The following XKR9 variants were observed in gnomAD, a reference collection of about 807,000 sequenced individuals.
XKR9 encodes the protein XK-related protein 9.
A neutral mutation model predicts 32.0 loss-of-function variants in XKR9; 32 were observed. The ratio of observed to expected loss-of-function variants is 1.00; its 90% CI spans 0.76 to 1.34. The LOEUF is 1.34. XKR9 is among the 40% of genes most tolerant of loss of function. The pLI is 0.00. For synonymous variants in XKR9, 168 were observed against 143.4 expected, an observed-to-expected ratio of 1.17 and a Z score of -1.22; for missense variants, 546 against 429.7, an observed-to-expected ratio of 1.27 and a Z score of -2.39.
the XKR9 span, among the ~76,000 whole-genome samples, chr8:70,867,131 G>A: frequency 6.6e-6 from 1 of 152,178 alleles, no homozygotes; most frequent in African/African-American, 2.4e-5. Flanking sequence ...CATGGCAGCA[G>A]GCAAGGAGGA....
the XKR9 span, among the ~76,000 whole-genome samples, chr8:71,027,774 T>C: frequency 8.9e-3 from 783 of 87,936 alleles, 9 homozygotes; most frequent in African/African-American, 0.03. Context: ...CTTTCTTTTT[T>C]TTGGCGGGGG....
chr8:70,894,159 G>A, the XKR9 span, among the ~76,000 whole-genome samples: 5 of 152,062 alleles, frequency 3.3e-5, no homozygotes, highest in East Asian at 9.7e-4. Flanking sequence ...GTGGCAACTT[G>A]GGTACCAGGG....
At chr8:71,024,965 A>G in the XKR9 span, among the ~76,000 whole-genome samples, 1 of 152,198 alleles carries the variant, frequency 6.6e-6, no homozygotes, top group African/African-American at 2.4e-5. Flanking sequence ...AGCCCCTATA[A>G]TAATAGCTAG....
chr8:70,934,290 C>T, the XKR9 span, among the ~76,000 whole-genome samples: 1 of 151,932 alleles, frequency 6.6e-6, no homozygotes, highest in Non-Finnish European at 1.5e-5. Context: ...CCAATACTAA[C>T]ATCTCTCTAT....
the XKR9 span, among the ~76,000 whole-genome samples, chr8:71,047,507 G>C: frequency 6.6e-6 from 1 of 152,204 alleles, no homozygotes; most frequent in South Asian, 2.1e-4. Context: ...AAGTGATCAT[G>C]TGTAGTAAAT....
chr8:70,746,208 A>T (rs1563465927), intron 2 of XKR9, among the ~76,000 whole-genome samples: 2 of 150,286 alleles, frequency 1.3e-5, no homozygotes, highest in Non-Finnish European at 3.0e-5. Context: ...TATAGTATAT[A>T]ATTATATTCC....
chr8:70,739,661 TG>T (rs1382412184), downstream of XKR9, among the ~76,000 whole-genome samples: 1 of 152,144 alleles, frequency 6.6e-6, no homozygotes, highest in Admixed American at 6.5e-5. Context: ...AGGGCAAGCT[TG>T]GTGGTGACAA....
chr8:71,059,631 C>T, the XKR9 span, among the ~76,000 whole-genome samples: 1 of 152,178 alleles, frequency 6.6e-6, no homozygotes, highest in African/African-American at 2.4e-5. Flanking sequence ...ACTGATTAAA[C>T]TTGCTCACAT....
the XKR9 span, among the ~76,000 whole-genome samples, chr8:70,886,635 G>A: frequency 6.7e-6 from 1 of 150,058 alleles, no homozygotes; most frequent in Non-Finnish European, 1.5e-5. Context: ...TTTCTCTAAT[G>A]ACCAGTGATG....
the XKR9 span, among the ~76,000 whole-genome samples, chr8:71,007,683 A>G: frequency 0.43 from 65,634 of 151,922 alleles, 15,267 homozygotes; most frequent in Non-Finnish European, 0.53. Flanking sequence ...AAAATAGCTA[A>G]AGAGGAAATT....
At chr8:70,771,554 G>T (rs551563772) in intron 2 of XKR9, among the ~76,000 whole-genome samples, 1 of 152,324 alleles carries the variant, frequency 6.6e-6, no homozygotes, top group African/African-American at 2.4e-5. Context: ...GAATGTAAAA[G>T]GGACAGGCCT....
intron 4 of XKR9, among the ~76,000 whole-genome samples, chr8:70,716,139 A>G (rs529828013): frequency 6.6e-6 from 1 of 152,240 alleles, no homozygotes; most frequent in Admixed American, 6.5e-5. Flanking sequence ...TAGTAGATGT[A>G]TATAGAGGAG....
chr8:70,882,855 T>C, the XKR9 span, among the ~76,000 whole-genome samples: 1 of 151,640 alleles, frequency 6.6e-6, no homozygotes, highest in Non-Finnish European at 1.5e-5. Flanking sequence ...ATTAAATATA[T>C]ACACAATTCT....
In XKR9 at chr8:70,674,917, A is replaced by T. The variant is rs1818833638; in HGVS notation, c.-279+18A>T. The T allele has an allele frequency of 6.6e-6, 1 of 152,206 alleles. No homozygotes were observed. 9.4% of individuals were successfully genotyped at this position (152,206 alleles called of 1,614,324 possible). The stretch of plus-strand genomic sequence containing the variant: ...TTTGACAAGTAAGTCTATGTTTTAT[A>T]TGTGTTATATTTGGTTGACAAGGGA... On this transcript the variant is annotated intron_variant, in intron 2 of 4. Coordinates refer to ENST00000408926, the MANE Select transcript of XKR9 (RefSeq NM_001011720.2).
chr8:70,932,603 G>T, the XKR9 span, among the ~76,000 whole-genome samples: 13 of 152,256 alleles, frequency 8.5e-5, no homozygotes, highest in East Asian at 2.5e-3. Flanking sequence ...TACAGGTTGG[G>T]TTGCTTAAAC....
chr8:70,978,944 A>G, the XKR9 span, among the ~76,000 whole-genome samples: 1 of 151,512 alleles, frequency 6.6e-6, no homozygotes, highest in Non-Finnish European at 1.5e-5. Flanking sequence ...CTTTTTACTC[A>G]TTTTTCTCTG....
At chr8:70,727,589 G>C (rs183905031) in intron 4 of XKR9, among the ~76,000 whole-genome samples, 19 of 151,938 alleles carry the variant, frequency 1.3e-4, no homozygotes, top group African/African-American at 4.6e-4. Context: ...TAGTTGAGAT[G>C]GGGTTTCACC....
chr8:70,861,769 T>C, the XKR9 span, among the ~76,000 whole-genome samples: 1 of 152,222 alleles, frequency 6.6e-6, no homozygotes, highest in Non-Finnish European at 1.5e-5. Flanking sequence ...ACATATTAGC[T>C]GTTCAACTAT....
At position 70,776,947 on chromosome 8, in the gene XKR9, C is replaced by CTCTATATATA; in HGVS notation, n.353-12391_353-12390insCTATATATAT. Among the ~76,000 whole-genome samples the CTCTATATATA allele has an allele frequency of 2.5e-3, 136 of 54,212 alleles. 3 individuals are homozygous for CTCTATATATA. Among genetic ancestry groups the CTCTATATATA allele is most frequent in the African/African-American group, 9.6e-3 (121 of 12,606 alleles). The allele number at this position is 54,212 out of a possible 152,430, so 35.6% of individuals were successfully genotyped here. On this transcript the variant is annotated intron_variant and non_coding_transcript_variant, in intron 2 of 3. Transcript: ENST00000520273. ...TTTCTCTCTCTCTCTCTCTCTCTCT[C>CTCTATATATA]TATATATATATATATATGTATGTAT... is the stretch of plus-strand genomic sequence containing the variant.
Sources: gnomAD v4.1 joint callset for allele counts (sites outside exome capture counted in the v4.1 genomes callset) on GRCh38, gnomAD v4.1.1 for gene constraint, MANE v1.5 for transcripts, NCBI Gene and HGNC (gene_info 2026-07-23, HGNC 2026-07-21) for gene names.